Variants in MIR17HG observed in about 807,000 individuals in gnomAD.
MIR17HG encodes miR-17-92a-1 cluster host gene.
In MIR17HG at chr13:91,351,617, TAA is replaced by T. The variant is rs1875319342; in HGVS notation, n.284+1392_284+1393del. ...TTTGTTGTTAGATTTATTTGGCTGT[TAA>T]GTATTGCGATATGACTAAACATACT... is the stretch of plus-strand genomic sequence containing the variant. On this transcript the variant is annotated intron_variant and non_coding_transcript_variant, in intron 3 of 3. Coordinates refer to ENST00000400282, the Ensembl canonical transcript of MIR17HG. 1.3e-5 allele frequency: 4 copies of T among 319,572 alleles called. No individual in the cohort carries two copies. In the Admixed American group the frequency reaches 1.5e-4, roughly 12 times the overall value. The allele number at this position is 319,572 out of a possible 1,614,324, so 19.8% of individuals were successfully genotyped here.
intron 3 of MIR17HG, chr13:91,350,523 T>G: frequency 1.9e-6 from 1 of 527,924 alleles, no homozygotes; most frequent in Non-Finnish European, 3.9e-6. Flanking sequence ...TGTTAGAGTT[T>G]GAGGTGTTAA....
intron 3 of MIR17HG, chr13:91,351,498 T>C (rs1457694400): frequency 2.5e-6 from 1 of 399,284 alleles, no homozygotes; most frequent in African/African-American, 2.1e-5. Flanking sequence ...TGTGTAACTT[T>C]TTGTGTAAAT....
intron 3 of MIR17HG, chr13:91,353,868 T>C (rs1400737423): frequency 6.6e-6 from 1 of 152,556 alleles, no homozygotes; most frequent in Admixed American, 6.5e-5. Flanking sequence ...TTAGGAATTC[T>C]TTTTAAAGCT....
intron 2 of MIR17HG, chr13:91,350,107 A>G (rs1057314971): frequency 1.3e-5 from 2 of 159,010 alleles, no homozygotes; most frequent in African/African-American, 4.8e-5. Flanking sequence ...TTGACTGATA[A>G]CACTTGAAGT....
chr13:91,348,673 A>G (rs1372493317), intron 1 of MIR17HG, among the ~76,000 whole-genome samples: 2 of 150,542 alleles, frequency 1.3e-5, no homozygotes, highest in Admixed American at 6.6e-5. Context: ...AGGAGGCCGC[A>G]GTCGGCCTCA....
intron 1 of MIR17HG, among the ~76,000 whole-genome samples, chr13:91,348,344 C>T (rs1240612396): frequency 2.0e-5 from 3 of 150,576 alleles, no homozygotes; most frequent in Non-Finnish European, 4.4e-5. Context: ...GGGGCGCGCG[C>T]GGGGCGTGGG....
At chr13:91,348,140 C>T (rs1055314006) in intron 1 of MIR17HG, among the ~76,000 whole-genome samples, 5 of 123,756 alleles carry the variant, frequency 4.0e-5, no homozygotes, top group African/African-American at 1.5e-4. Flanking sequence ...TGGCTGCCCC[C>T]TCGCTCGCCC....
exon 4 of MIR17HG, chr13:91,354,235 T>C (rs1379571328): frequency 6.6e-6 from 1 of 152,226 alleles, no homozygotes; most frequent in Non-Finnish European, 1.5e-5. Context: ...GATTATTCTT[T>C]AGCTTAGTGG....
intron 1 of MIR17HG, among the ~76,000 whole-genome samples, chr13:91,348,182 G>C (rs1239826050): frequency 6.8e-6 from 1 of 148,002 alleles, no homozygotes; most frequent in Admixed American, 6.7e-5. Context: ...GGGCCGGGGC[G>C]GGAGGGTGGG....
At chr13:91,349,475 C>T (rs962510645) in intron 1 of MIR17HG, among the ~76,000 whole-genome samples, 1 of 151,902 alleles carries the variant, frequency 6.6e-6, no homozygotes, top group Non-Finnish European at 1.5e-5. Context: ...AGACATGTAT[C>T]TGATAGCTAA....
chr13:91,349,567 T>C (rs916234676), intron 1 of MIR17HG: 4 of 152,218 alleles, frequency 2.6e-5, no homozygotes, highest in Admixed American at 6.5e-5. Context: ...TGCTCGACTC[T>C]TACTCTCACA....
chr13:91,353,718 G>GGTCAT (rs2138696366), intron 3 of MIR17HG, among the ~76,000 whole-genome samples: 1 of 151,540 alleles, frequency 6.6e-6, no homozygotes, highest in Admixed American at 6.6e-5. Flanking sequence ...AGACTTAAGA[G>GGTCAT]GTCATGTTGC....
At chr13:91,349,198 C>G (rs1875149850) in intron 1 of MIR17HG, among the ~76,000 whole-genome samples, 4 of 152,100 alleles carry the variant, frequency 2.6e-5, no homozygotes, top group Non-Finnish European at 5.9e-5. Context: ...GTCTTCTGTT[C>G]CTAAACTGCA....
chr13:91,353,894 G>A (rs1875446447), intron 3 of MIR17HG: 1 of 152,396 alleles, frequency 6.6e-6, no homozygotes, highest in South Asian at 2.1e-4. Flanking sequence ...CAAAGTGTTG[G>A]TGATTTTACT....
chr13:91,349,109 C>T (rs530611318), intron 1 of MIR17HG, among the ~76,000 whole-genome samples: 1 of 152,024 alleles, frequency 6.6e-6, no homozygotes. Context: ...GGGCCGCGCT[C>T]CCCCTTGTGC....
chr13:91,348,342 C>T (rs949695298), intron 1 of MIR17HG, among the ~76,000 whole-genome samples: 2 of 149,822 alleles, frequency 1.3e-5, no homozygotes, highest in Non-Finnish European at 3.0e-5. Flanking sequence ...CCGGGGCGCG[C>T]GCGGGGCGTG....
intron 1 of MIR17HG, chr13:91,349,617 G>A (rs9589206): frequency 4.6e-5 from 7 of 152,198 alleles, no homozygotes; most frequent in Non-Finnish European, 1.0e-4. Context: ...TTGGAAAATA[G>A]CAAATATAGA....
At chr13:91,348,219 C>T (rs1875064670) in intron 1 of MIR17HG, among the ~76,000 whole-genome samples, 1 of 149,342 alleles carries the variant, frequency 6.7e-6, no homozygotes, top group Admixed American at 6.6e-5. Flanking sequence ...GTGGCGGCCG[C>T]GCCCGGGACC....
At chr13:91,350,739 T>A (rs756164949) in intron 3 of MIR17HG, 2 of 534,144 alleles carry the variant, frequency 3.7e-6, no homozygotes, top group South Asian at 2.8e-5. Flanking sequence ...CCTGCTGATG[T>A]TGAGTGCTTT....
Sources: allele counts gnomAD v4.1 joint callset (sites outside exome capture counted in the v4.1 genomes callset), GRCh38; gene constraint gnomAD v4.1.1; transcripts MANE v1.5; gene names NCBI Gene and HGNC (gene_info 2026-07-23, HGNC 2026-07-21).